The following FEZ2 variants were observed in gnomAD, a reference collection of about 807,000 sequenced individuals.
FEZ2 encodes fasciculation and elongation protein zeta-2.
In FEZ2, 51 loss-of-function variants were observed where a neutral mutation model predicts 40.4. The observed-to-expected ratio is 1.26, with a 90% CI of 1.01 to 1.59. FEZ2 has a LOEUF of 1.59. FEZ2 is among the 40% of genes most tolerant of loss of function. FEZ2 has a pLI of 0.00. For synonymous variants in FEZ2, 242 were observed against 172.0 expected (o/e 1.41, Z -3.18); for missense variants, 640 against 438.3 (o/e 1.46, Z -4.11).
upstream of FEZ2, chr2:36,598,168 CGCCCA>C: frequency 8.0e-7 from 1 of 1,249,608 alleles, no homozygotes; most frequent in Non-Finnish European, 1.0e-6. Context: ...TCGCGCGCCC[CGCCCA>C]GGCCGGCCCA....
chr2:36,581,371 G>A lies in FEZ2; in HGVS notation c.553C>T (p.Pro185Ser). 1 of 1,613,372 alleles carries A rather than the reference G, an allele frequency of 6.2e-7. No homozygotes were observed. Among genetic ancestry groups the A allele is most frequent in the Non-Finnish European group, 8.5e-7 (1 of 1,179,394 alleles). The change falls in exon 4 of 8, where the codon CCT becomes TCT. Residue 185 changes from proline (P) to serine (S), a missense_variant. Transcript: ENST00000405912. The stretch of plus-strand genomic sequence containing the variant: ...ATTGAAAGCCGATCTGACTGTGTAG[G>A]GGTTTCATCATCTTCTGGGTCCGGT... ...ESPDPEDDET[P>S]TQSDRLSMLS...
At chr2:36,559,119 G>C (rs1668028548) in intron 5 of FEZ2, 1 of 152,088 alleles carries the variant, frequency 6.6e-6, no homozygotes, top group Non-Finnish European at 1.5e-5. Context: ...AACGTTTTTA[G>C]GCATTAAAGG....
intron 4 of FEZ2, 112 bp from the exon 5 acceptor site, chr2:36,578,977 G>C (rs912694348): frequency 8.9e-5 from 75 of 846,156 alleles, no homozygotes; most frequent in Non-Finnish European, 1.3e-4. Context: ...CAATGCCAAA[G>C]AGCAAAAATC....
At chr2:36,586,560 G>A (rs977755971) in intron 2 of FEZ2, among the ~76,000 whole-genome samples, 2 of 151,670 alleles carry the variant, frequency 1.3e-5, no homozygotes, top group Non-Finnish European at 2.9e-5. Flanking sequence ...CCAGGAGGTG[G>A]AGGTTGCAGT....
chr2:36,555,765 G>A lies in FEZ2; in HGVS notation c.980-17C>T. On this transcript the variant is annotated splice_polypyrimidine_tract_variant and intron_variant, in intron 6 of 7. Transcript: ENST00000405912. The stretch of plus-strand genomic sequence containing the variant: ...CACGAAGAACTGCAAAATAGAAGAG[G>A]GGAAAAAAGACAACAATTAAAAATT... 5 of 1,481,794 alleles carry A rather than the reference G, an allele frequency of 3.4e-6. No homozygotes were observed. The highest frequency in any genetic ancestry group is 1.8e-4 in the Middle Eastern group (1 of 5,688). The allele number at this position is 1,481,794 out of a possible 1,614,324, so 91.8% of individuals were successfully genotyped here. A position where few individuals can be genotyped will look rare whatever the true frequency, so the allele number is the denominator to read the frequency against.
At chr2:36,553,865 G>A (rs1021073373) in intron 7 of FEZ2, among the ~76,000 whole-genome samples, 4 of 152,078 alleles carry the variant, frequency 2.6e-5, no homozygotes, top group African/African-American at 7.2e-5. Flanking sequence ...TCCCCCTCCC[G>A]GGCAAAGTGT....
At chr2:36,558,340 C>G (rs1301105136) in intron 6 of FEZ2, 98 bp downstream of exon 6, 1 of 679,040 alleles carries the variant, frequency 1.5e-6, no homozygotes, top group Non-Finnish European at 2.4e-6. Context: ...ACATCCTAAA[C>G]TGACAAAACA....
chr2:36,578,903 A>G (rs761794878), intron 4 of FEZ2, 38 bp from the exon 5 acceptor site: 5 of 1,571,026 alleles, frequency 3.2e-6, no homozygotes, highest in Admixed American at 1.9e-5. Flanking sequence ...TATTAAGACA[A>G]AAACATTTCA....
chr2:36,578,995 A>G (rs1381484133), intron 4 of FEZ2, 130 bp from the exon 5 acceptor site: 1 of 733,016 alleles, frequency 1.4e-6, no homozygotes. Context: ...ATCATATTCC[A>G]AGCAATTAAA....
intron 5 of FEZ2, among the ~76,000 whole-genome samples, chr2:36,575,755 T>G (rs1668553235): frequency 6.6e-6 from 1 of 152,150 alleles, no homozygotes; most frequent in Non-Finnish European, 1.5e-5. Context: ...ACAAAATCTG[T>G]CTCCAAGTTT....
chr2:36,596,519 CGAT>C (rs1197721596), intron 1 of FEZ2, among the ~76,000 whole-genome samples: 2 of 152,296 alleles, frequency 1.3e-5, no homozygotes, highest in East Asian at 3.9e-4. Flanking sequence ...TGCAGTTGTG[CGAT>C]GATGGCTCAC....
intron 1 of FEZ2, among the ~76,000 whole-genome samples, chr2:36,593,715 G>A (rs1457595863): frequency 1.3e-5 from 2 of 152,042 alleles, no homozygotes. Flanking sequence ...CCTGTGATGG[G>A]AGGAGCTGCC....
At chr2:36,582,647 A>C (rs1668783668) in intron 3 of FEZ2, among the ~76,000 whole-genome samples, 2 of 152,198 alleles carry the variant, frequency 1.3e-5, no homozygotes, top group African/African-American at 4.8e-5. Flanking sequence ...GGAGGATCCA[A>C]ATAACACAAT....
At position 36,583,482 on chromosome 2, in the gene FEZ2, A is replaced by G. The variant is rs1299104161; in HGVS notation, c.376-13T>C. 7.8e-7 allele frequency: 1 copy of G among 1,285,872 alleles called. No individual in the cohort carries two copies. Among genetic ancestry groups the G allele is most frequent in the Non-Finnish European group, 1.1e-6 (1 of 881,562 alleles). The allele number at this position is 1,285,872 out of a possible 1,614,324, so 79.7% of individuals were successfully genotyped here. A position where few individuals can be genotyped will look rare whatever the true frequency, so the allele number is the denominator to read the frequency against. On this transcript the variant is annotated splice_polypyrimidine_tract_variant and intron_variant, in intron 2 of 7. Transcript: ENST00000405912. Reference sequence around the variant, plus strand: ...AACTGTCACTTACCTAAAAACAAAAATACCCATCATTAAAAGCAGGACATC... The same window carrying G: ...AACTGTCACTTACCTAAAAACAAAAGTACCCATCATTAAAAGCAGGACATC...
intron 5 of FEZ2, among the ~76,000 whole-genome samples, chr2:36,576,884 A>T (rs1399040358): frequency 6.6e-6 from 1 of 152,198 alleles, no homozygotes; most frequent in Non-Finnish European, 1.5e-5. Context: ...TCTAGGGATA[A>T]ATTTACTTTT....
chr2:36,566,495 A>T (rs745564495), intron 5 of FEZ2, among the ~76,000 whole-genome samples: 1 of 152,196 alleles, frequency 6.6e-6, no homozygotes, highest in Non-Finnish European at 1.5e-5. Context: ...ACAGAAAAAA[A>T]AAAATGTCAG....
At position 36,552,365 on chromosome 2, in the gene FEZ2, TAAG is replaced by T. The variant is rs965894548; in HGVS notation, c.*795_*797del. 3.8e-5 allele frequency: 14 copies of T among 372,674 alleles called. No individual in the cohort carries two copies. Among genetic ancestry groups the T allele is most frequent in the African/African-American group, 1.7e-4 (8 of 47,114 alleles). 23.1% of individuals were successfully genotyped at this position (372,674 alleles called of 1,614,324 possible). On this transcript the variant is annotated 3_prime_UTR_variant, in exon 8 of 8. Coordinates refer to ENST00000405912, the MANE Select transcript of FEZ2 (RefSeq NM_005102.3). ...AGTAGCTGTATCTAGAATTCATACT[TAAG>T]AAAAACACACAGGCATGAATAAAAT...
At chr2:36,566,719 G>T (rs1668251162) in intron 5 of FEZ2, among the ~76,000 whole-genome samples, 1 of 152,216 alleles carries the variant, frequency 6.6e-6, no homozygotes, top group East Asian at 1.9e-4. Context: ...ACAGAAAAGT[G>T]CTGAATTAGA....
At chr2:36,555,946 A>T (rs1008933482) in intron 6 of FEZ2, 198 bp from the exon 7 acceptor site, 1 of 677,040 alleles carries the variant, frequency 1.5e-6, no homozygotes. Context: ...AGTCCACAAG[A>T]ATTTATTTTC....
Sources: allele counts gnomAD v4.1 joint callset (sites outside exome capture counted in the v4.1 genomes callset), GRCh38; gene constraint gnomAD v4.1.1; transcripts MANE v1.5; gene names NCBI Gene and HGNC (gene_info 2026-07-23, HGNC 2026-07-21).